The following UMAD1 variants were observed in gnomAD, a reference collection of about 807,000 sequenced individuals.
The protein encoded by UMAD1 is UBAP1-MVB12-associated (UMA) domain containing 1.
UMAD1 carries 8 observed loss-of-function variants against 6.1 expected under a neutral mutation model. That is an observed-to-expected ratio of 1.30 (90% CI 0.76 to 2.35). The LOEUF is 2.35. UMAD1 is among the 30% of genes most tolerant of loss of function. The pLI, the probability that UMAD1 is intolerant of heterozygous loss-of-function variation, is 0.00. For missense variants in UMAD1, 130 were observed against 78.4 expected (o/e 1.66, Z -2.49); for synonymous variants, 56 against 31.4 (o/e 1.78, Z -2.61).
chr7:7,659,160 T>C (rs1271340704), intron 1 of UMAD1, among the ~76,000 whole-genome samples: 1 of 152,230 alleles, frequency 6.6e-6, no homozygotes, highest in Admixed American at 6.5e-5. Context: ...ATCCCCTTTA[T>C]CATTTTTTAT....
chr7:7,833,593 G>A (rs1198476442), intron 3 of UMAD1, among the ~76,000 whole-genome samples: 2 of 152,152 alleles, frequency 1.3e-5, no homozygotes, highest in African/African-American at 4.8e-5. Flanking sequence ...CAGGAAGCGG[G>A]CAGATTTCAG....
intron 2 of UMAD1, among the ~76,000 whole-genome samples, chr7:7,718,956 A>G (rs1256638120): frequency 6.8e-6 from 1 of 148,108 alleles, no homozygotes; most frequent in African/African-American, 2.7e-5. Context: ...ACCACTGATT[A>G]CAATTAATTT....
At chr7:7,784,700 A>G (rs966968735) in intron 2 of UMAD1, among the ~76,000 whole-genome samples, 1 of 149,410 alleles carries the variant, frequency 6.7e-6, no homozygotes, top group African/African-American at 2.5e-5. Context: ...AGACCAACCC[A>G]GTTACATATT....
intron 2 of UMAD1, among the ~76,000 whole-genome samples, chr7:7,764,237 C>T (rs1251786432): frequency 6.6e-6 from 1 of 152,084 alleles, no homozygotes; most frequent in East Asian, 1.9e-4. Flanking sequence ...GCAGAAATCT[C>T]TTACAAATGT....
chr7:7,745,131 A>G lies in UMAD1; in HGVS notation c.83-56539A>G, dbSNP rs77339440. 5.7e-3 allele frequency among the ~76,000 whole-genome samples: 870 copies of G among 152,354 alleles called. 14 individuals are homozygous for G. The highest frequency in any genetic ancestry group is 0.02 in the African/African-American group (830 of 41,580). The stretch of plus-strand genomic sequence containing the variant: ...AAGAAAAACATAGAGAAGAGGAACT[A>G]TTCTTACTATTCATTAAGTGGAAGT... On this transcript the variant is annotated intron_variant, in intron 2 of 3. Coordinates refer to ENST00000682710, the MANE Select transcript of UMAD1 (RefSeq NM_001302348.2).
At chr7:7,864,043 G>GTAATA (rs1784177879) in intron 3 of UMAD1, among the ~76,000 whole-genome samples, 1 of 152,200 alleles carries the variant, frequency 6.6e-6, no homozygotes, top group African/African-American at 2.4e-5. Context: ...AATTTCCTGA[G>GTAATA]TAATAGGGGT....
intron 2 of UMAD1, among the ~76,000 whole-genome samples, chr7:7,738,342 C>T (rs1781401115): frequency 6.6e-6 from 1 of 152,192 alleles, no homozygotes; most frequent in Admixed American, 6.5e-5. Flanking sequence ...CTGTATTCAT[C>T]AAGTCATAAA....
At chr7:7,845,564 A>T (rs1350795964) in intron 3 of UMAD1, among the ~76,000 whole-genome samples, 1 of 152,106 alleles carries the variant, frequency 6.6e-6, no homozygotes, top group Non-Finnish European at 1.5e-5. Flanking sequence ...ATAAGAGGAA[A>T]TGTCTATTCT....
At chr7:7,650,959 C>G (rs986745123) in intron 1 of UMAD1, among the ~76,000 whole-genome samples, 8 of 152,158 alleles carry the variant, frequency 5.3e-5, no homozygotes, top group Non-Finnish European at 7.3e-5. Context: ...TACTCAGGAA[C>G]CAGCAGAATC....
chr7:7,645,779 A>G (rs1349203660), intron 1 of UMAD1, among the ~76,000 whole-genome samples: 1 of 150,410 alleles, frequency 6.6e-6, no homozygotes, highest in Non-Finnish European at 1.5e-5. Flanking sequence ...TCTTTTATAT[A>G]TATTCCTGGA....
At chr7:7,757,995 G>T (rs1180520206) in intron 2 of UMAD1, among the ~76,000 whole-genome samples, 1 of 152,090 alleles carries the variant, frequency 6.6e-6, no homozygotes, top group Non-Finnish European at 1.5e-5. Context: ...AGTAGAGGGA[G>T]GAATCTGGGA....
At chr7:7,781,143 A>G (rs1215004827) in intron 2 of UMAD1, among the ~76,000 whole-genome samples, 1 of 152,220 alleles carries the variant, frequency 6.6e-6, no homozygotes, top group Non-Finnish European at 1.5e-5. Context: ...AGTACCTGAC[A>G]CATAAACATT....
At chr7:7,777,788 G>T (rs1782248972) in intron 2 of UMAD1, among the ~76,000 whole-genome samples, 1 of 151,922 alleles carries the variant, frequency 6.6e-6, no homozygotes, top group South Asian at 2.1e-4. Context: ...AGGGAGTGGG[G>T]AACCTTTATT....
chr7:7,748,544 G>T (rs1344113732), intron 2 of UMAD1, among the ~76,000 whole-genome samples: 1 of 151,944 alleles, frequency 6.6e-6, no homozygotes, highest in Non-Finnish European at 1.5e-5. Flanking sequence ...AAGTGAGGAA[G>T]GACTTATTTT....
At chr7:7,871,656 C>A (rs1267546804) in intron 3 of UMAD1, among the ~76,000 whole-genome samples, 1 of 152,160 alleles carries the variant, frequency 6.6e-6, no homozygotes, top group Non-Finnish European at 1.5e-5. Context: ...TCTTTTGTCC[C>A]TCTTCACTCA....
At position 7,720,464 on chromosome 7, in the gene UMAD1, C is replaced by G. The variant is rs542677124; in HGVS notation, c.82+47011C>G. ...CCCTAACTTACTCTCCCCATCTAAA[C>G]TTGAGAAACACCCAGACTACTGTAG... is the stretch of plus-strand genomic sequence containing the variant. On this transcript the variant is annotated intron_variant, in intron 2 of 3. Transcript: ENST00000682710. Among the ~76,000 whole-genome samples the G allele has an allele frequency of 5.3e-5, 8 of 152,170 alleles. No homozygotes were observed. The South Asian group carries it at 6.2e-4, about 12-fold the overall frequency.
chr7:7,705,630 C>A (rs1290259159), intron 2 of UMAD1, among the ~76,000 whole-genome samples: 1 of 152,072 alleles, frequency 6.6e-6, no homozygotes, highest in Non-Finnish European at 1.5e-5. Flanking sequence ...CAAGATGAAA[C>A]AGTCGAACTT....
intron 2 of UMAD1, among the ~76,000 whole-genome samples, chr7:7,731,753 CA>C (rs1781264097): frequency 6.6e-6 from 1 of 152,198 alleles, no homozygotes; most frequent in African/African-American, 2.4e-5. Context: ...GCTGTTTGAT[CA>C]GTGACTCAGA....
chr7:7,869,304 A>C (rs1784294091), intron 3 of UMAD1, among the ~76,000 whole-genome samples: 1 of 152,218 alleles, frequency 6.6e-6, no homozygotes, highest in Non-Finnish European at 1.5e-5. Context: ...ATAAAGTGAC[A>C]GTGTTGCTTG....
Sources: allele counts gnomAD v4.1 joint callset (sites outside exome capture counted in the v4.1 genomes callset), GRCh38; gene constraint gnomAD v4.1.1; transcripts MANE v1.5; gene names NCBI Gene and HGNC (gene_info 2026-07-23, HGNC 2026-07-21).